ADAMTSL1: variants seen among roughly 807,000 people sequenced by gnomAD.
ADAMTSL1 encodes the protein ADAMTS-like protein 1.
Under a neutral mutation model 201.8 loss-of-function variants are expected in ADAMTSL1, and 126 were observed. That is an observed-to-expected ratio of 0.62 (90% CI 0.54 to 0.72). The LOEUF (loss-of-function observed/expected upper bound fraction) is 0.72. ADAMTSL1 is among the 30% of genes least tolerant of loss of function. The pLI, the probability that ADAMTSL1 is intolerant of heterozygous loss-of-function variation, is 0.00. For missense variants in ADAMTSL1, 2,679 were observed against 2,277.8 expected, an observed-to-expected ratio of 1.18 and a Z score of -3.59; for synonymous variants, 1,121 against 903.4, an observed-to-expected ratio of 1.24 and a Z score of -4.32.
In ADAMTSL1 at chr9:18,579,258, C is replaced by T. The variant is rs1460744408; in HGVS notation, c.474+4992C>T. ...ACTATCGCAAGAACAAAAAACCAAA[C>T]GCCGCATATTCTCACTCATAGGTGG... is the stretch of plus-strand genomic sequence containing the variant. On this transcript the variant is annotated intron_variant, in intron 4 of 28. Coordinates refer to ENST00000380548, the MANE Select transcript of ADAMTSL1 (RefSeq NM_001040272.6). Among the ~76,000 whole-genome samples, 128 of 148,692 alleles carry T rather than the reference C, an allele frequency of 8.6e-4. 1 individual carries two copies. Among genetic ancestry groups the T allele is most frequent in the African/African-American group, 2.9e-3 (117 of 40,260 alleles).
chr9:18,557,265 G>A (rs1009081002), intron 3 of ADAMTSL1, among the ~76,000 whole-genome samples: 2 of 151,944 alleles, frequency 1.3e-5, no homozygotes, highest in Admixed American at 6.6e-5. Context: ...CACCCAGAGA[G>A]GAATCTGGGT....
chr9:18,444,650 T>A (rs2133469176), intron 2 of ADAMTSL1, among the ~76,000 whole-genome samples: 1 of 152,284 alleles, frequency 6.6e-6, no homozygotes, highest in Non-Finnish European at 1.5e-5. Context: ...AACAGGTTTA[T>A]GTCTTTTGCT....
intron 1 of ADAMTSL1, among the ~76,000 whole-genome samples, chr9:18,493,552 T>G (rs1049076557): frequency 6.6e-6 from 1 of 152,194 alleles, no homozygotes; most frequent in Non-Finnish European, 1.5e-5. Context: ...GATCTAGGAC[T>G]TGGATAAAGC....
Position 17,947,312 on chromosome 9 carries a change from TACAC to T in ADAMTSL1, c.87+40421_87+40424del, listed in dbSNP as rs34840423. Among the ~76,000 whole-genome samples, 965 of 143,372 alleles carry T rather than the reference TACAC, an allele frequency of 6.7e-3. 11 individuals are homozygous for T. Among genetic ancestry groups the T allele is most frequent in the African/African-American group, 0.022 (865 of 39,174 alleles). The allele number at this position is 143,372 out of a possible 152,430, so 94.1% of individuals were successfully genotyped here. A position where few individuals can be genotyped will look rare whatever the true frequency, so the allele number is the denominator to read the frequency against. On this transcript the variant is annotated intron_variant, in intron 1 of 29. Transcript: ENST00000680146. The stretch of plus-strand genomic sequence containing the variant: ...GTAAGGCATTTACCTTATACACACA[TACAC>T]ACACACACACACACACACACACACA...
chr9:18,300,508 G>T (rs934697082), intron 2 of ADAMTSL1, among the ~76,000 whole-genome samples: 6 of 152,132 alleles, frequency 3.9e-5, no homozygotes, highest in African/African-American at 1.4e-4. Context: ...AATACCTAAT[G>T]TAAATGATGA....
At chr9:18,439,848 T>C (rs1262149555) in intron 2 of ADAMTSL1, among the ~76,000 whole-genome samples, 4 of 152,232 alleles carry the variant, frequency 2.6e-5, no homozygotes, top group Non-Finnish European at 4.4e-5. Context: ...GTTTGATAGA[T>C]GACAAAAGGA....
At chr9:18,250,965 A>T (rs1831443539) in intron 2 of ADAMTSL1, among the ~76,000 whole-genome samples, 1 of 152,182 alleles carries the variant, frequency 6.6e-6, no homozygotes, top group African/African-American at 2.4e-5. Context: ...TATGATCCTG[A>T]TGGGGAGCCC....
chr9:18,886,530 C>A (rs1357972955), intron 23 of ADAMTSL1, among the ~76,000 whole-genome samples: 1 of 151,478 alleles, frequency 6.6e-6, no homozygotes, highest in East Asian at 1.9e-4. Context: ...ACAAACAAAA[C>A]AAATTTGTTT....
intron 1 of ADAMTSL1, among the ~76,000 whole-genome samples, chr9:18,074,584 T>G (rs1563984101): frequency 1.3e-5 from 2 of 151,554 alleles, no homozygotes; most frequent in African/African-American, 2.4e-5. Flanking sequence ...TCTTTCTTTT[T>G]TTGTTGTTGT....
At chr9:18,900,316 C>T (rs1327693045) in intron 26 of ADAMTSL1, among the ~76,000 whole-genome samples, 3 of 152,168 alleles carry the variant, frequency 2.0e-5, no homozygotes, top group African/African-American at 7.2e-5. Flanking sequence ...GGAACACTTT[C>T]ACACTGTTGG....
intron 2 of ADAMTSL1, among the ~76,000 whole-genome samples, chr9:18,380,773 G>T (rs557219840): frequency 6.6e-6 from 1 of 152,088 alleles, no homozygotes; most frequent in African/African-American, 2.4e-5. Flanking sequence ...TCTCATTAAG[G>T]CTGAGTTCAC....
intron 2 of ADAMTSL1, among the ~76,000 whole-genome samples, chr9:18,277,114 A>T (rs1005074685): frequency 1.3e-5 from 2 of 152,212 alleles, no homozygotes; most frequent in Admixed American, 1.3e-4. Context: ...AAGATACTTG[A>T]TATGATTTTC....
chr9:18,018,673 C>G (rs966834960), intron 1 of ADAMTSL1, among the ~76,000 whole-genome samples: 1 of 152,038 alleles, frequency 6.6e-6, no homozygotes, highest in African/African-American at 2.4e-5. Context: ...ACTCCCTCAA[C>G]CCAATTGAGT....
At chr9:18,472,574 C>A (rs558414992), upstream of ADAMTSL1, among the ~76,000 whole-genome samples, 1 of 152,120 alleles carries the variant, frequency 6.6e-6, no homozygotes, top group South Asian at 2.1e-4. Context: ...AAGTAGGTAA[C>A]CTAAAGTTGA....
intron 2 of ADAMTSL1, among the ~76,000 whole-genome samples, chr9:18,458,166 C>A (rs895663504): frequency 1.3e-5 from 2 of 152,106 alleles, no homozygotes; most frequent in Admixed American, 6.6e-5. Context: ...TTTGAAGGGA[C>A]CTTGAAAGGC....
intron 4 of ADAMTSL1, among the ~76,000 whole-genome samples, chr9:18,602,826 T>G (rs951183653): frequency 6.6e-6 from 1 of 152,146 alleles, no homozygotes. Context: ...ACACATGAAG[T>G]TAAGTAGGTC....
chr9:18,523,068 G>A (rs911025109), intron 2 of ADAMTSL1, among the ~76,000 whole-genome samples: 4 of 152,164 alleles, frequency 2.6e-5, no homozygotes, highest in Non-Finnish European at 5.9e-5. Context: ...TAGTGTAAAA[G>A]TGTTCCTATT....
intron 13 of ADAMTSL1, among the ~76,000 whole-genome samples, chr9:18,704,260 C>T (rs1284061618): frequency 6.6e-6 from 1 of 152,276 alleles, no homozygotes; most frequent in African/African-American, 2.4e-5. Context: ...ACAGAGTTCA[C>T]GCAGTCCGCA....
intron 16 of ADAMTSL1, among the ~76,000 whole-genome samples, chr9:18,765,264 A>G (rs1413298495): frequency 1.3e-5 from 2 of 152,206 alleles, no homozygotes. Context: ...CAGCATCACT[A>G]GTGAAGTATC....
Sources: allele counts gnomAD v4.1 joint callset (sites outside exome capture counted in the v4.1 genomes callset), GRCh38; gene constraint gnomAD v4.1.1; transcripts MANE v1.5; gene names NCBI Gene and HGNC (gene_info 2026-07-23, HGNC 2026-07-21).